Variants in MTBP observed in about 807,000 individuals in gnomAD.
The protein encoded by MTBP is MDM2 binding protein.
Under a neutral mutation model 117.0 loss-of-function variants are expected in MTBP, and 101 were observed. The ratio of observed to expected loss-of-function variants is 0.86; its 90% CI spans 0.73 to 1.02. The LOEUF is 1.02. Ranked by LOEUF, MTBP falls within the 50% of genes least tolerant of loss-of-function variation. The pLI is 0.00. For missense variants in MTBP, 970 were observed against 1,030.9 expected, an observed-to-expected ratio of 0.94 and a Z score of 0.81; for synonymous variants, 350 against 351.5, an observed-to-expected ratio of 1.00 and a Z score of 0.05.
At chr8:120,519,593 G>A (rs2130623902) in intron 20 of MTBP, among the ~76,000 whole-genome samples, 1 of 152,156 alleles carries the variant, frequency 6.6e-6, no homozygotes, top group Middle Eastern at 3.4e-3. Context: ...ATATCCAAGA[G>A]AAAGGACAAG....
At chr8:120,463,801 T>G (rs1328263203) in intron 10 of MTBP, 40 bp downstream of exon 10, 1 of 1,555,464 alleles carries the variant, frequency 6.4e-7, no homozygotes, top group East Asian at 2.2e-5. Flanking sequence ...TTGTTTGTTT[T>G]TATACTTGCC....
chr8:120,452,270 G>A (rs1449964927), intron 4 of MTBP: 2 of 152,054 alleles, frequency 1.3e-5, no homozygotes, highest in African/African-American at 2.4e-5. Context: ...AGTAGCTGTA[G>A]ACTTAAAAAT....
chr8:120,463,435 T>C (rs1356094587), intron 9 of MTBP, among the ~76,000 whole-genome samples: 1 of 152,172 alleles, frequency 6.6e-6, no homozygotes, highest in Non-Finnish European at 1.5e-5. Flanking sequence ...AGCTACAGTT[T>C]TTATAAATTT....
chr8:120,461,581 T>C (rs1357770128), intron 9 of MTBP, among the ~76,000 whole-genome samples: 1 of 152,180 alleles, frequency 6.6e-6, no homozygotes, highest in East Asian at 1.9e-4. Flanking sequence ...GAGCCTTGCT[T>C]CTTTAATGCA....
chr8:120,501,008 G>A (rs1252893860), intron 14 of MTBP, among the ~76,000 whole-genome samples: 1 of 152,092 alleles, frequency 6.6e-6, no homozygotes, highest in Admixed American at 6.6e-5. Flanking sequence ...TGGCCAACAT[G>A]GTGAAACCCC....
At chr8:120,463,598 G>C in intron 9 of MTBP, 94 bp from the exon 10 acceptor site, 1 of 1,003,964 alleles carries the variant, frequency 1.0e-6, no homozygotes, top group African/African-American at 1.6e-5. Flanking sequence ...ATGAATTTAA[G>C]CAACTGTGGA....
chr8:120,458,472 C>T (rs929253970), intron 7 of MTBP, among the ~76,000 whole-genome samples: 2 of 152,098 alleles, frequency 1.3e-5, no homozygotes, highest in Non-Finnish European at 2.9e-5. Context: ...ATTACTACTT[C>T]TGCAGCAATT....
intron 11 of MTBP, chr8:120,473,220 T>A (rs1053701960): frequency 1.3e-5 from 2 of 152,330 alleles, no homozygotes; most frequent in Admixed American, 6.5e-5. Flanking sequence ...TTGTTATTTT[T>A]AAATTTTTTT....
chr8:120,513,326 T>A (rs1012998053), intron 17 of MTBP, among the ~76,000 whole-genome samples: 7 of 152,072 alleles, frequency 4.6e-5, no homozygotes, highest in Non-Finnish European at 8.8e-5. Context: ...ACAGCTTCAT[T>A]GTCTTATGGG....
chr8:120,460,504 T>C (rs1460940519), intron 8 of MTBP, among the ~76,000 whole-genome samples: 1 of 152,150 alleles, frequency 6.6e-6, no homozygotes, highest in Non-Finnish European at 1.5e-5. Context: ...GCTCTTTTCT[T>C]TGCCTTTCAT....
chr8:120,516,184 A>G lies in MTBP; in HGVS notation c.2239A>G (p.Arg747Gly), dbSNP rs1485829765. The part of the protein sequence containing the change: ...RSKDLNCLYP[R>G]KRLVKSESSE... ...TAAAGATCTGAATTGCCTTTATCCC[A>G]GAAAAAGGTGATATATTACATGCAC... Residue 747 changes from arginine to glycine, a missense_variant, in exon 18 of 22, where the codon AGA becomes GGA. Transcript: ENST00000305949. 1 of 1,609,430 alleles carries G rather than the reference A, an allele frequency of 6.2e-7. No individual in the cohort carries two copies. Among genetic ancestry groups the G allele is most frequent in the African/African-American group, 1.3e-5 (1 of 74,750 alleles).
At chr8:120,489,807 A>G (rs796157660) in intron 12 of MTBP, among the ~76,000 whole-genome samples, 3 of 152,290 alleles carry the variant, frequency 2.0e-5, no homozygotes, top group African/African-American at 7.2e-5. Flanking sequence ...CACCACAGCT[A>G]AGGGACCCCA....
chr8:120,473,940 C>T (rs1294839973), intron 11 of MTBP: 2 of 151,992 alleles, frequency 1.3e-5, no homozygotes, highest in African/African-American at 4.8e-5. Flanking sequence ...TGAGTGTATT[C>T]TGGCAACCCA....
intron 2 of MTBP, among the ~76,000 whole-genome samples, chr8:120,449,485 A>G (rs940967934): frequency 2.6e-5 from 4 of 152,222 alleles, no homozygotes; most frequent in African/African-American, 4.8e-5. Flanking sequence ...CTCAAGATGT[A>G]GGAGAGGGCT....
chr8:120,488,285 A>T lies in MTBP; in HGVS notation c.1292A>T (p.Asn431Ile). Residue 431 changes from asparagine to isoleucine, a missense_variant, in exon 12 of 22, where the codon AAT (asparagine) becomes ATT (isoleucine). Coordinates refer to ENST00000305949, the MANE Select transcript of MTBP (RefSeq NM_022045.5). ...ANQINGSFALNLIHGKMKTKT... is the reference protein window; with the variant it reads ...ANQINGSFALILIHGKMKTKT... ...CAGATCAATGGCTCATTTGCACTCAATTTAATTCATGGAAAGATGAAAACA... is the reference window on the plus strand; with the variant it reads ...CAGATCAATGGCTCATTTGCACTCATTTTAATTCATGGAAAGATGAAAACA... 1.9e-6 allele frequency: 3 copies of T among 1,571,542 alleles called. No individual in the cohort carries two copies. The highest frequency in any genetic ancestry group is 2.6e-6 in the Non-Finnish European group (3 of 1,165,226).
At chr8:120,447,035 T>C (rs532271397) in intron 2 of MTBP, among the ~76,000 whole-genome samples, 1 of 152,300 alleles carries the variant, frequency 6.6e-6, no homozygotes, top group Admixed American at 6.5e-5. Flanking sequence ...TCTTTCCTCC[T>C]TTAGCTTCTA....
At chr8:120,454,777 T>C (rs960976051) in intron 5 of MTBP, among the ~76,000 whole-genome samples, 6 of 152,092 alleles carry the variant, frequency 3.9e-5, no homozygotes, top group African/African-American at 1.4e-4. Flanking sequence ...TGCACTGAAA[T>C]ATTACATAGT....
intron 7 of MTBP, among the ~76,000 whole-genome samples, chr8:120,457,662 C>A (rs972582486): frequency 6.6e-6 from 1 of 152,112 alleles, no homozygotes; most frequent in African/African-American, 2.4e-5. Context: ...GGGTGGCTCA[C>A]GCCTATAATC....
intron 9 of MTBP, among the ~76,000 whole-genome samples, chr8:120,462,172 G>A (rs560127853): frequency 2.6e-5 from 4 of 152,216 alleles, no homozygotes; most frequent in East Asian, 3.9e-4. Context: ...AGATAATGAG[G>A]AATCATACAA....
Sources: gnomAD v4.1 joint callset for allele counts (sites outside exome capture counted in the v4.1 genomes callset) on GRCh38, gnomAD v4.1.1 for gene constraint, MANE v1.5 for transcripts, NCBI Gene and HGNC (gene_info 2026-07-23, HGNC 2026-07-21) for gene names.